Variants in LGR5 observed in about 807,000 individuals in gnomAD.
LGR5 encodes leucine rich repeat containing G protein-coupled receptor 5.
LGR5 carries 54 observed loss-of-function variants against 76.7 expected under a neutral mutation model. That is an observed-to-expected ratio of 0.70 (90% CI 0.57 to 0.88). The LOEUF (loss-of-function observed/expected upper bound fraction) is 0.88, where lower values mean the gene tolerates loss of function less well. Among genes scored for constraint, LGR5 ranks in the 40% least tolerant of loss-of-function variants. LGR5 has a pLI of 0.00. For synonymous variants in LGR5, 406 were observed against 421.9 expected (o/e 0.96, Z 0.46); for missense variants, 1,078 against 1,073.3 (o/e 1.00, Z -0.06).
intron 1 of LGR5, among the ~76,000 whole-genome samples, chr12:71,480,111 C>T (rs1873522947): frequency 6.6e-6 from 1 of 152,176 alleles, no homozygotes; most frequent in Admixed American, 6.5e-5. Flanking sequence ...TGCCTGTAAT[C>T]CCAGCACTTT....
chr12:71,526,563 A>G (rs561680592), intron 3 of LGR5, among the ~76,000 whole-genome samples: 3 of 152,322 alleles, frequency 2.0e-5, no homozygotes, highest in Admixed American at 1.3e-4. Context: ...GCATTAAACA[A>G]ATTATTACTA....
At chr12:71,539,572 G>C (rs1443347787) in intron 4 of LGR5, among the ~76,000 whole-genome samples, 2 of 152,156 alleles carry the variant, frequency 1.3e-5, no homozygotes, top group African/African-American at 4.8e-5. Flanking sequence ...CCACCTCCCA[G>C]GTTCAAGCGA....
At chr12:71,466,577 T>C (rs954710889) in intron 1 of LGR5, among the ~76,000 whole-genome samples, 9 of 152,116 alleles carry the variant, frequency 5.9e-5, no homozygotes, top group African/African-American at 1.9e-4. Flanking sequence ...TCTGCATCCA[T>C]GATTCTTCAC....
At chr12:71,474,606 T>C (rs1592470801) in intron 1 of LGR5, among the ~76,000 whole-genome samples, 1 of 152,230 alleles carries the variant, frequency 6.6e-6, no homozygotes, top group Non-Finnish European at 1.5e-5. Context: ...CCCAATCTTT[T>C]AAAATACTAC....
intron 1 of LGR5, among the ~76,000 whole-genome samples, chr12:71,484,545 G>T (rs748706372): frequency 6.6e-6 from 1 of 152,126 alleles, no homozygotes; most frequent in South Asian, 2.1e-4. Context: ...CTCTGAGTGG[G>T]GTCTTTTCCT....
At chr12:71,485,723 C>T (rs1313038854) in intron 1 of LGR5, among the ~76,000 whole-genome samples, 1 of 151,756 alleles carries the variant, frequency 6.6e-6, no homozygotes, top group Admixed American at 6.6e-5. Context: ...GAGCAAGACC[C>T]TGTCTCAAAA....
At position 71,571,515 on chromosome 12, in the gene LGR5, G is replaced by T; in HGVS notation, c.1072G>T (p.Asp358Tyr). 1.2e-6 allele frequency: 2 copies of T among 1,605,730 alleles called. No individual in the cohort carries two copies. Among genetic ancestry groups the T allele is most frequent in the Non-Finnish European group, 1.7e-6 (2 of 1,175,454 alleles). ...CTTTTTGCACCTTCTGTTTTTCAGAGATCTGTCTTACAACCTATTAGAAGA... is the reference window on the plus strand; with the variant it reads ...CTTTTTGCACCTTCTGTTTTTCAGATATCTGTCTTACAACCTATTAGAAGA... The part of the protein sequence containing the change: ...CNQLPNLQVL[D>Y]LSYNLLEDLP... The change falls in exon 12 of 18, where the codon GAT becomes TAT. Residue 358 changes from aspartate (D) to tyrosine (Y), a missense_variant and splice_region_variant. Coordinates refer to ENST00000266674, the MANE Select transcript of LGR5 (RefSeq NM_003667.4).
chr12:71,439,973 C>T lies in LGR5; in HGVS notation c.-108C>T. Reference sequence around the variant, plus strand: ...CGCGGCGTCTGGCGCTGCAGACGCCCGCTGAGTTGCAGAAGCCCACGGAGC... The same window carrying T: ...CGCGGCGTCTGGCGCTGCAGACGCCTGCTGAGTTGCAGAAGCCCACGGAGC... On this transcript the variant is annotated 5_prime_UTR_variant, in exon 1 of 18. Transcript: ENST00000266674. 1 of 1,003,358 alleles carries T rather than the reference C, an allele frequency of 1.0e-6. No individual in the cohort carries two copies. The highest frequency in any genetic ancestry group is 2.3e-5 in the Admixed American group (1 of 42,596). 62.2% of individuals were successfully genotyped at this position (1,003,358 alleles called of 1,614,324 possible).
intron 3 of LGR5, among the ~76,000 whole-genome samples, chr12:71,531,471 G>T (rs1411168362): frequency 6.6e-6 from 1 of 152,078 alleles, no homozygotes; most frequent in East Asian, 1.9e-4. Flanking sequence ...GAGTGATCAG[G>T]GCTTAAATTG....
Position 71,553,246 on chromosome 12 carries a change from T to C in LGR5, c.602T>C (p.Ile201Thr), listed in dbSNP as rs1877585176. 6.2e-7 allele frequency: 1 copy of C among 1,613,838 alleles called. No homozygotes were observed. The highest frequency in any genetic ancestry group is 1.3e-5 in the African/African-American group (1 of 74,872). Reference sequence around the variant, plus strand: ...TTGGCCCTGAACAAAATACACCACATACCAGACTATGCCTTTGGAAACCTC... The same window carrying C: ...TTGGCCCTGAACAAAATACACCACACACCAGACTATGCCTTTGGAAACCTC... ...MTLALNKIHHIPDYAFGNLSS... is the reference protein window; with the variant it reads ...MTLALNKIHHTPDYAFGNLSS... The change falls in exon 5 of 18, where the codon ATA becomes ACA. Residue 201 changes from isoleucine to threonine, a missense_variant. Physicochemically the swap from Ile to Thr is moderately conservative, Grantham distance 89 (BLOSUM62 -1). Coordinates refer to ENST00000266674, the MANE Select transcript of LGR5 (RefSeq NM_003667.4).
At chr12:71,567,276 C>G in intron 11 of LGR5, 102 of 210,912 alleles carry the variant, frequency 4.8e-4, no homozygotes, top group South Asian at 2.5e-3. Context: ...ATGCCAAAAT[C>G]AAAAACTGAG....
intron 4 of LGR5, among the ~76,000 whole-genome samples, chr12:71,545,037 C>T (rs573592511): frequency 6.6e-6 from 1 of 152,008 alleles, no homozygotes; most frequent in South Asian, 2.1e-4. Flanking sequence ...TTTGGGAAGC[C>T]GAGGCAGGAG....
At position 71,584,545 on chromosome 12, in the gene LGR5, A is replaced by G. The variant is rs1332719435; in HGVS notation, c.2535A>G (p.Lys845=). 1.2e-6 allele frequency: 2 copies of G among 1,614,114 alleles called. No individual in the cohort carries two copies. Among genetic ancestry groups the G allele is most frequent in the Admixed American group, 1.7e-5 (1 of 60,026 alleles). The change falls in exon 18 of 18, where the codon AAA becomes AAG. Residue 845 remains lysine (K), a synonymous_variant. Transcript: ENST00000266674. ...AAACCTACGTCTGGACAAGATCAAA[A>G]CACCCAAGCTTGATGTCAATTAACT... ...RKQTYVWTRS[K]HPSLMSINSD...
chr12:71,575,710 C>CAA (rs1208449483), intron 13 of LGR5, among the ~76,000 whole-genome samples: 3 of 140,078 alleles, frequency 2.1e-5, no homozygotes, highest in Non-Finnish European at 3.0e-5. Flanking sequence ...GACTCCATCT[C>CAA]AAAAAATATA....
At chr12:71,578,732 T>G (rs1878965134) in intron 14 of LGR5, 72 bp from the exon 15 acceptor site, 1 of 1,419,474 alleles carries the variant, frequency 7.0e-7, no homozygotes, top group South Asian at 1.6e-5. Flanking sequence ...ATCTTTAGGT[T>G]GTTGTTTTTT....
In LGR5 at chr12:71,583,821, T is replaced by C. The variant is rs1879194438; in HGVS notation, c.1811T>C (p.Met604Thr). The change falls in exon 18 of 18, where the codon ATG (methionine) becomes ACG (threonine). Residue 604 changes from methionine to threonine, a missense_variant. By Grantham distance (81) the Met-to-Thr change is moderately conservative (BLOSUM62 -1). Coordinates refer to ENST00000266674, the MANE Select transcript of LGR5 (RefSeq NM_003667.4). Reference protein sequence around the residue: ...LLIGVIAAVNMLTGVSSAVLA... With the variant: ...LLIGVIAAVNTLTGVSSAVLA... ...ATTGGGGTCATCGCAGCAGTGAACA[T>C]GCTCACGGGAGTCTCCAGTGCCGTG... 3.7e-6 allele frequency: 6 copies of C among 1,614,044 alleles called. No individual in the cohort carries two copies. The South Asian group carries it at 4.4e-5, about 12-fold the overall frequency.
At chr12:71,531,975 T>C (rs1482509645) in intron 3 of LGR5, among the ~76,000 whole-genome samples, 3 of 151,952 alleles carry the variant, frequency 2.0e-5, no homozygotes, top group African/African-American at 7.3e-5. Context: ...GACAAAAAGC[T>C]ATCTGAAACT....
At chr12:71,509,395 A>T (rs1875032270) in intron 2 of LGR5, among the ~76,000 whole-genome samples, 1 of 152,172 alleles carries the variant, frequency 6.6e-6, no homozygotes, top group East Asian at 1.9e-4. Context: ...GGGATCCTGG[A>T]CTTGAAAAAC....
intron 4 of LGR5, among the ~76,000 whole-genome samples, chr12:71,542,962 C>T (rs995724921): frequency 1.3e-5 from 2 of 152,158 alleles, no homozygotes; most frequent in Non-Finnish European, 2.9e-5. Context: ...GTCTGACTAC[C>T]CTTTAGAAAA....
Sources: allele counts gnomAD v4.1 joint callset (sites outside exome capture counted in the v4.1 genomes callset), GRCh38; gene constraint gnomAD v4.1.1; transcripts MANE v1.5; gene names NCBI Gene and HGNC (gene_info 2026-07-23, HGNC 2026-07-21).